Variants in DLG2 observed in about 807,000 individuals in gnomAD.
The protein encoded by DLG2 is disks large homolog 2.
A neutral mutation model predicts 132.5 loss-of-function variants in DLG2; 45 were observed. The observed-to-expected ratio is 0.34, with a 90% confidence interval of 0.27 to 0.44. The LOEUF (loss-of-function observed/expected upper bound fraction) is 0.44. DLG2 is among the 20% of genes least tolerant of loss of function. The pLI is 1.00. For missense variants in DLG2, 1,045 were observed against 1,196.9 expected (o/e 0.87, Z 1.87); for synonymous variants, 424 against 419.6 (o/e 1.01, Z -0.13).
chr11:84,689,026 A>G (rs1244082227), intron 6 of DLG2, among the ~76,000 whole-genome samples: 1 of 152,118 alleles, frequency 6.6e-6, no homozygotes, highest in East Asian at 1.9e-4. Context: ...ACTGGAGACT[A>G]TCTACGTAAA....
intron 6 of DLG2, among the ~76,000 whole-genome samples, chr11:84,933,035 A>G (rs2048284638): frequency 6.6e-6 from 1 of 152,104 alleles, no homozygotes; most frequent in Admixed American, 6.6e-5. Flanking sequence ...TTGTTTCTTG[A>G]CTTTTTAATA....
intron 3 of DLG2, among the ~76,000 whole-genome samples, chr11:85,471,639 T>C (rs1458081414): frequency 6.6e-6 from 1 of 152,062 alleles, no homozygotes; most frequent in Non-Finnish European, 1.5e-5. Flanking sequence ...AAGATTCCCA[T>C]GCAGAATACA....
In DLG2 at chr11:84,515,276, TACACACAC is replaced by T. The variant is rs142638064; in HGVS notation, c.519+19286_519+19293del. Among the ~76,000 whole-genome samples the T allele has an allele frequency of 3.8e-3, 535 of 141,930 alleles. 2 individuals are homozygous for T. Among genetic ancestry groups the T allele is most frequent in the African/African-American group, 9.0e-3 (349 of 38,730 alleles). 93.1% of individuals were successfully genotyped at this position (141,930 alleles called of 152,430 possible). ...CGTAGATTGGCTGAATGAACTTAAA[TACACACAC>T]ACACACACACACACACACACACACA... On this transcript the variant is annotated intron_variant, in intron 7 of 27. Coordinates refer to ENST00000376104, the MANE Select transcript of DLG2 (RefSeq NM_001142699.3).
chr11:84,515,441 C>T (rs1401146179), intron 7 of DLG2, among the ~76,000 whole-genome samples: 1 of 151,440 alleles, frequency 6.6e-6, no homozygotes, highest in African/African-American at 2.4e-5. Flanking sequence ...AAGAATTACA[C>T]ATATATCAGA....
chr11:84,656,297 C>G (rs1188210063), intron 6 of DLG2, among the ~76,000 whole-genome samples: 1 of 152,114 alleles, frequency 6.6e-6, no homozygotes, highest in African/African-American at 2.4e-5. Flanking sequence ...CATCTGTTCA[C>G]TTCTCTGAAA....
intron 7 of DLG2, among the ~76,000 whole-genome samples, chr11:84,534,071 AGT>A (rs1365554648): frequency 6.6e-6 from 1 of 152,184 alleles, no homozygotes; most frequent in Non-Finnish European, 1.5e-5. Flanking sequence ...TGTTGGGAAA[AGT>A]ATGACAATGA....
chr11:84,589,258 T>C (rs2099537187), intron 6 of DLG2, among the ~76,000 whole-genome samples: 1 of 152,184 alleles, frequency 6.6e-6, no homozygotes, highest in Admixed American at 6.5e-5. Flanking sequence ...GAGAAATATT[T>C]GAGAGTTGCC....
At chr11:84,406,821 C>G (rs2098853394) in intron 7 of DLG2, among the ~76,000 whole-genome samples, 1 of 152,148 alleles carries the variant, frequency 6.6e-6, no homozygotes, top group Non-Finnish European at 1.5e-5. Flanking sequence ...GAGTACATTC[C>G]TTATTCATTC....
chr11:85,550,918 G>A (rs1208198703), intron 3 of DLG2, among the ~76,000 whole-genome samples: 1 of 152,188 alleles, frequency 6.6e-6, no homozygotes, highest in East Asian at 1.9e-4. Context: ...GAACAAGTTA[G>A]CCACCTAGAT....
chr11:83,753,895 T>G (rs1157764969), intron 18 of DLG2, among the ~76,000 whole-genome samples: 1 of 127,078 alleles, frequency 7.9e-6, no homozygotes, highest in African/African-American at 3.2e-5. Context: ...ATATATATCA[T>G]ATATATATTT....
In DLG2 at chr11:83,743,449, T is replaced by TTTTTTTA. The variant is rs1555372680; in HGVS notation, c.1825+43240_1825+43241insTAAAAAA. Reference sequence around the variant, plus strand: ...AGGCCATTTTTTTTTTTTTTTTTTTTATGACAGGGTCTCACTTTGTCACCC... The same window carrying TTTTTTTA: ...AGGCCATTTTTTTTTTTTTTTTTTTTTTTTTTAATGACAGGGTCTCACTTTGTCACCC... On this transcript the variant is annotated intron_variant, in intron 18 of 27. Transcript: ENST00000376104. 2.7e-3 allele frequency among the ~76,000 whole-genome samples: 340 copies of TTTTTTTA among 124,090 alleles called. 40 individuals are homozygous for TTTTTTTA. The highest frequency in any genetic ancestry group is 0.011 in the South Asian group (44 of 3,916). 81.4% of individuals were successfully genotyped at this position (124,090 alleles called of 152,430 possible). A position where few individuals can be genotyped will look rare whatever the true frequency, so the allele number is the denominator to read the frequency against.
intron 4 of DLG2, among the ~76,000 whole-genome samples, chr11:85,159,376 G>C (rs1305963975): frequency 1.3e-5 from 2 of 152,172 alleles, no homozygotes; most frequent in Non-Finnish European, 2.9e-5. Flanking sequence ...GGTAGAGTGA[G>C]GGCTATTATG....
At chr11:84,497,420 C>G (rs2099187699) in intron 7 of DLG2, among the ~76,000 whole-genome samples, 1 of 152,000 alleles carries the variant, frequency 6.6e-6, no homozygotes, top group Non-Finnish European at 1.5e-5. Flanking sequence ...AGTTGGGACT[C>G]TACTTGAAGC....
rs550248248 is a variant in DLG2 at position 83,588,256 on chromosome 11, A to C, written c.1940+44955T>G. Among the ~76,000 whole-genome samples the C allele has an allele frequency of 3.0e-4, 46 of 150,836 alleles. 1 individual carries two copies. In the South Asian group the frequency reaches 9.6e-3, roughly 32 times the overall value. On this transcript the variant is annotated intron_variant, in intron 19 of 27. Transcript: ENST00000376104. Reference sequence around the variant, plus strand: ...CCTGTCTGACAGCTTTGAAGAGAGCAGTAGTTCTCCCAGCACGCAGCTGGA... The same window carrying C: ...CCTGTCTGACAGCTTTGAAGAGAGCCGTAGTTCTCCCAGCACGCAGCTGGA...
At chr11:85,350,050 T>G (rs2083160827) in intron 3 of DLG2, among the ~76,000 whole-genome samples, 1 of 152,222 alleles carries the variant, frequency 6.6e-6, no homozygotes, top group Non-Finnish European at 1.5e-5. Flanking sequence ...CATTCCTATT[T>G]CTCAACATCC....
chr11:83,462,170 T>TA (rs777177624), intron 26 of DLG2, 77 bp from the exon 27 acceptor site: 9 of 954,166 alleles, frequency 9.4e-6, no homozygotes, highest in Non-Finnish European at 1.5e-5. Flanking sequence ...ATGGCAAAAA[T>TA]AAATCCTACA....
chr11:85,512,488 T>C (rs2094095665), intron 3 of DLG2, among the ~76,000 whole-genome samples: 1 of 152,112 alleles, frequency 6.6e-6, no homozygotes. Context: ...TATTGTGACC[T>C]TTCTCTATAA....
chr11:83,790,937 T>C, intron 17 of DLG2: 1 of 940,702 alleles, frequency 1.1e-6, no homozygotes, highest in Non-Finnish European at 1.6e-6. Flanking sequence ...GAGGCAGAAG[T>C]CCAATAACGA....
At chr11:84,134,782 T>C (rs2094542409) in intron 9 of DLG2, among the ~76,000 whole-genome samples, 1 of 151,924 alleles carries the variant, frequency 6.6e-6, no homozygotes, top group African/African-American at 2.4e-5. Flanking sequence ...GTACAACTGA[T>C]ATATTTGTGG....
Sources: allele counts gnomAD v4.1 joint callset (sites outside exome capture counted in the v4.1 genomes callset), GRCh38; gene constraint gnomAD v4.1.1; transcripts MANE v1.5; gene names NCBI Gene and HGNC (gene_info 2026-07-23, HGNC 2026-07-21).